ASAP1: variants seen among roughly 807,000 people sequenced by gnomAD.
ASAP1 encodes ArfGAP with SH3 domain, ankyrin repeat and PH domain 1, also known as arf-GAP with SH3 domain, ANK repeat and PH domain-containing protein 1.
Under a neutral mutation model 145.2 loss-of-function variants are expected in ASAP1, and 43 were observed. The observed-to-expected ratio is 0.30, with a 90% CI of 0.23 to 0.38. The LOEUF (loss-of-function observed/expected upper bound fraction) is 0.38. Ranked by LOEUF, ASAP1 falls within the 10% of genes least tolerant of loss-of-function variation. ASAP1 has a pLI of 1.00. For missense variants in ASAP1, 1,018 were observed against 1,355.3 expected, an observed-to-expected ratio of 0.75 and a Z score of 3.91; for synonymous variants, 546 against 515.5, an observed-to-expected ratio of 1.06 and a Z score of -0.80.
chr8:130,072,790 G>GGTGTGTGTGTGTGTGTGTGT lies in ASAP1; in HGVS notation c.2701+3557_2701+3558insACACACACACACACACACAC, dbSNP rs142924621. 7.4e-3 allele frequency among the ~76,000 whole-genome samples: 487 copies of GGTGTGTGTGTGTGTGTGTGT among 66,004 alleles called. 88 individuals are homozygous for GGTGTGTGTGTGTGTGTGTGT. The highest frequency in any genetic ancestry group is 8.0e-3 in the Non-Finnish European group (263 of 32,788). The allele number at this position is 66,004 out of a possible 152,430, so 43.3% of individuals were successfully genotyped here. ...GTTCTGAAGGCCTGGACTTGCAATT[G>GGTGTGTGTGTGTGTGTGTGT]ATATGTGTGTGTGTGTGTGTGTGTG... On this transcript the variant is annotated intron_variant, in intron 27 of 29. Transcript: ENST00000518721.
chr8:130,404,390 A>G (rs961474961), intron 1 of ASAP1, among the ~76,000 whole-genome samples: 2 of 152,180 alleles, frequency 1.3e-5, no homozygotes, highest in Non-Finnish European at 2.9e-5. Flanking sequence ...TTGGACTTCT[A>G]TTTCCTGACT....
chr8:130,221,522 C>T (rs1032023496), intron 4 of ASAP1, among the ~76,000 whole-genome samples: 1 of 152,134 alleles, frequency 6.6e-6, no homozygotes, highest in African/African-American at 2.4e-5. Context: ...ATTTACTGCC[C>T]TATAATTCCT....
At chr8:130,100,608 C>A (rs1281379694) in intron 24 of ASAP1, among the ~76,000 whole-genome samples, 2 of 152,178 alleles carry the variant, frequency 1.3e-5, no homozygotes, top group Non-Finnish European at 2.9e-5. Context: ...GGATTACAGG[C>A]ATGAACCACC....
intron 9 of ASAP1, among the ~76,000 whole-genome samples, chr8:130,177,000 C>T (rs1814006405): frequency 1.3e-5 from 2 of 152,104 alleles, no homozygotes; most frequent in Admixed American, 6.6e-5. Flanking sequence ...GTCTCTCTTC[C>T]TCTTGATGCT....
chr8:130,175,542 T>TA lies in ASAP1; in HGVS notation c.746+3721_746+3722insT, dbSNP rs1813893361. Reference sequence around the variant, plus strand: ...CACCTGGACTGTTGTTGAGTTTTTTTTATATATTCTGGATATCAGACTCTT... The same window carrying TA: ...CACCTGGACTGTTGTTGAGTTTTTTTATATATATTCTGGATATCAGACTCTT... On this transcript the variant is annotated intron_variant, in intron 9 of 29. Transcript: ENST00000518721. 2.0e-5 allele frequency among the ~76,000 whole-genome samples: 3 copies of TA among 152,146 alleles called. No homozygotes were observed. The South Asian group carries it at 6.2e-4, about 32-fold the overall frequency.
chr8:130,276,718 A>ACTCTCT (rs1820909354), intron 3 of ASAP1, among the ~76,000 whole-genome samples: 15 of 126,124 alleles, frequency 1.2e-4, no homozygotes, highest in African/African-American at 4.2e-4. Context: ...ACACACACAC[A>ACTCTCT]CACACACACA....
chr8:130,423,172 C>A (rs1237931341), intron 1 of ASAP1, among the ~76,000 whole-genome samples: 1 of 152,122 alleles, frequency 6.6e-6, no homozygotes, highest in Admixed American at 6.5e-5. Context: ...GGGTCAATCT[C>A]GGCTCACTGC....
At chr8:130,403,553 TC>T (rs1828893476) in intron 1 of ASAP1, among the ~76,000 whole-genome samples, 1 of 126,480 alleles carries the variant, frequency 7.9e-6, no homozygotes, top group Non-Finnish European at 1.6e-5. Flanking sequence ...TTTTTCTTTT[TC>T]TTTTTTTTTT....
intron 4 of ASAP1, among the ~76,000 whole-genome samples, chr8:130,218,267 T>C (rs1817059283): frequency 1.3e-5 from 2 of 152,308 alleles, no homozygotes; most frequent in South Asian, 2.1e-4. Context: ...GTGTTCATTT[T>C]ACCTGCTCCC....
chr8:130,206,742 C>T (rs1305255502), intron 5 of ASAP1, among the ~76,000 whole-genome samples: 2 of 152,204 alleles, frequency 1.3e-5, no homozygotes, highest in Non-Finnish European at 2.9e-5. Context: ...AAAACCATTG[C>T]TGCCTTGGGA....
chr8:130,269,923 A>G (rs1820490159), intron 3 of ASAP1, among the ~76,000 whole-genome samples: 1 of 152,106 alleles, frequency 6.6e-6, no homozygotes, highest in Non-Finnish European at 1.5e-5. Flanking sequence ...TTATCCCCGC[A>G]CTTTGGGAGG....
intron 3 of ASAP1, among the ~76,000 whole-genome samples, chr8:130,271,404 T>C (rs976592124): frequency 1.3e-5 from 2 of 152,234 alleles, no homozygotes; most frequent in Non-Finnish European, 1.5e-5. Flanking sequence ...GAATTTGTTT[T>C]TCTTTACCAA....
At chr8:130,264,631 G>A (rs1455385138) in intron 3 of ASAP1, among the ~76,000 whole-genome samples, 1 of 152,100 alleles carries the variant, frequency 6.6e-6, no homozygotes, top group African/African-American at 2.4e-5. Context: ...AGATATTCAC[G>A]CACAACATAT....
At chr8:130,214,260 A>T (rs903425004) in intron 5 of ASAP1, among the ~76,000 whole-genome samples, 10 of 152,192 alleles carry the variant, frequency 6.6e-5, no homozygotes, top group African/African-American at 2.4e-4. Flanking sequence ...GAGATGTGGA[A>T]GAGAATTCAG....
intron 15 of ASAP1, among the ~76,000 whole-genome samples, chr8:130,129,240 C>G (rs138661622): frequency 2.0e-3 from 303 of 152,296 alleles, no homozygotes; most frequent in Non-Finnish European, 3.6e-3. Context: ...TTATAAATTA[C>G]CCAGTCTACA....
chr8:130,096,460 TGCCAGAG>T (rs1414691982), intron 24 of ASAP1, among the ~76,000 whole-genome samples: 1 of 152,232 alleles, frequency 6.6e-6, no homozygotes, highest in African/African-American at 2.4e-5. Flanking sequence ...TCCTGAACTC[TGCCAGAG>T]GCCTGTGGAA....
intron 3 of ASAP1, among the ~76,000 whole-genome samples, chr8:130,248,439 T>C (rs1364366281): frequency 1.3e-5 from 2 of 151,894 alleles, no homozygotes; most frequent in Non-Finnish European, 2.9e-5. Context: ...ATCAGGGAGA[T>C]CAGATGCCTG....
chr8:130,405,924 T>G (rs948096838), intron 1 of ASAP1, among the ~76,000 whole-genome samples: 1 of 151,466 alleles, frequency 6.6e-6, no homozygotes, highest in Non-Finnish European at 1.5e-5. Flanking sequence ...TCCCAATACC[T>G]GAAGATAAAT....
At chr8:130,240,000 G>C (rs75919890) in intron 3 of ASAP1, among the ~76,000 whole-genome samples, 3 of 152,148 alleles carry the variant, frequency 2.0e-5, no homozygotes, top group Non-Finnish European at 4.4e-5. Context: ...ATAACCTATC[G>C]GTTATCTTTG....
Sources: allele counts gnomAD v4.1 joint callset (sites outside exome capture counted in the v4.1 genomes callset), GRCh38; gene constraint gnomAD v4.1.1; transcripts MANE v1.5; gene names NCBI Gene and HGNC (gene_info 2026-07-23, HGNC 2026-07-21).